Variants in PSTPIP1 observed in about 807,000 individuals in gnomAD.
PSTPIP1 encodes the protein proline-serine-threonine phosphatase-interacting protein 1.
In PSTPIP1, 66 loss-of-function variants were observed where a neutral mutation model predicts 69.6. The observed-to-expected ratio is 0.95, with a 90% CI of 0.78 to 1.16. The LOEUF is 1.16. Among genes scored for constraint, PSTPIP1 ranks in the 50% most tolerant of loss-of-function variants. PSTPIP1 has a pLI of 0.00. For synonymous variants in PSTPIP1, 266 were observed against 222.7 expected (o/e 1.19, Z -1.73); for missense variants, 603 against 557.4 (o/e 1.08, Z -0.82).
rs150133822 is a variant in PSTPIP1, at chr15:77,013,871, T to C, written c.37-4277T>C. ...TCTGGAGTGCCAGGCAAGGGAGCAT[T>C]TGAAAAAGGCTCTGCTCCCCTTTAA... On this transcript the variant is annotated intron_variant, in intron 1 of 14. Coordinates refer to ENST00000558012, the MANE Select transcript of PSTPIP1 (RefSeq NM_003978.5). Among the ~76,000 whole-genome samples, 221 of 152,220 alleles carry C rather than the reference T, an allele frequency of 1.5e-3. 3 individuals carry two copies. The highest frequency in any genetic ancestry group is 3.4e-3 in the Middle Eastern group (1 of 292).
chr15:77,030,155 C>A (rs2076380232), intron 8 of PSTPIP1, among the ~76,000 whole-genome samples: 1 of 152,206 alleles, frequency 6.6e-6, no homozygotes, highest in Non-Finnish European at 1.5e-5. Context: ...CTGTGGGACT[C>A]CACCCCTCCT....
Position 76,995,481 on chromosome 15 carries a change from C to T in PSTPIP1, c.-93C>T, listed in dbSNP as rs764392248. On this transcript the variant is annotated 5_prime_UTR_variant, in exon 1 of 15. Transcript: ENST00000558012. Reference sequence around the variant, plus strand: ...CCGGGAAGGGGGGCCTGGGCCAGCCCTGCCAGGACTGGGACGCTGCTGCTG... The same window carrying T: ...CCGGGAAGGGGGGCCTGGGCCAGCCTTGCCAGGACTGGGACGCTGCTGCTG... 4.5e-5 allele frequency: 73 copies of T among 1,605,072 alleles called. No individual in the cohort carries two copies. The highest frequency in any genetic ancestry group is 6.1e-5 in the Non-Finnish European group (72 of 1,176,150).
chr15:76,998,336 G>C (rs889368424), intron 1 of PSTPIP1, among the ~76,000 whole-genome samples: 1 of 152,194 alleles, frequency 6.6e-6, no homozygotes, highest in Non-Finnish European at 1.5e-5. Context: ...CGGAGGAGGG[G>C]AGCCAGCCCT....
chr15:77,016,811 C>T (rs2076060824), intron 1 of PSTPIP1, among the ~76,000 whole-genome samples: 1 of 152,178 alleles, frequency 6.6e-6, no homozygotes, highest in African/African-American at 2.4e-5. Context: ...CCTCTTCCTG[C>T]AGAGAGCTCT....
At chr15:77,035,431 C>G in intron 12 of PSTPIP1, 77 bp from the exon 13 acceptor site, 1 of 1,446,746 alleles carries the variant, frequency 6.9e-7, no homozygotes, top group Non-Finnish European at 9.5e-7. Context: ...GAGACCTCTC[C>G]CTGTCTAAAC....
chr15:77,001,966 T>C (rs2075718492), intron 1 of PSTPIP1, among the ~76,000 whole-genome samples: 1 of 152,244 alleles, frequency 6.6e-6, no homozygotes, highest in African/African-American at 2.4e-5. Flanking sequence ...ATGTATTAAT[T>C]ATTCAAAAAT....
At chr15:77,011,955 G>A (rs1197404624) in intron 1 of PSTPIP1, among the ~76,000 whole-genome samples, 1 of 152,090 alleles carries the variant, frequency 6.6e-6, no homozygotes, top group East Asian at 1.9e-4. Flanking sequence ...CCAGCCACTA[G>A]TGCTCCCTCT....
chr15:77,006,260 G>A (rs1359154188), intron 1 of PSTPIP1, among the ~76,000 whole-genome samples: 1 of 151,930 alleles, frequency 6.6e-6, no homozygotes, highest in South Asian at 2.1e-4. Context: ...GGCCATTTGT[G>A]TACCTTCTTT....
At chr15:77,032,553 C>A in intron 11 of PSTPIP1, 159 bp downstream of exon 11, 1 of 708,876 alleles carries the variant, frequency 1.4e-6, no homozygotes, top group Non-Finnish European at 2.3e-6. Flanking sequence ...GGGTCCCAGG[C>A]CTGCTGCCTC....
In PSTPIP1 at chr15:76,995,456, C is replaced by G. The variant is rs1364632691; in HGVS notation, c.-118C>G. The G allele has an allele frequency of 6.4e-7, 1 of 1,569,172 alleles. No individual in the cohort carries two copies. Among genetic ancestry groups the G allele is most frequent in the South Asian group, 1.2e-5 (1 of 86,868 alleles). ...TTCTGAGTGTTGCAGACGGCGCCGGCCGGGAAGGGGGGCCTGGGCCAGCCC... is the reference window on the plus strand; with the variant it reads ...TTCTGAGTGTTGCAGACGGCGCCGGGCGGGAAGGGGGGCCTGGGCCAGCCC... On this transcript the variant is annotated 5_prime_UTR_variant, in exon 1 of 15. Coordinates refer to ENST00000558012, the MANE Select transcript of PSTPIP1 (RefSeq NM_003978.5).
intron 1 of PSTPIP1, among the ~76,000 whole-genome samples, chr15:77,005,552 G>C (rs553471765): frequency 1.3e-5 from 2 of 152,178 alleles, no homozygotes; most frequent in Non-Finnish European, 2.9e-5. Context: ...CAATTTTTAA[G>C]TATATGATTC....
intron 1 of PSTPIP1, chr15:77,015,875 C>A (rs537436588): frequency 6.6e-6 from 3 of 454,036 alleles, no homozygotes; most frequent in East Asian, 1.4e-4. Context: ...TGCCAGCAGC[C>A]CAAAGCTCTG....
chr15:77,034,823 G>C (rs565287616), intron 12 of PSTPIP1, among the ~76,000 whole-genome samples: 3 of 152,254 alleles, frequency 2.0e-5, no homozygotes, highest in Non-Finnish European at 2.9e-5. Flanking sequence ...AGCATCTGCC[G>C]CATCTGCCTC....
At chr15:77,029,639 C>T (rs2152686898) in intron 8 of PSTPIP1, 65 bp downstream of exon 8, 1 of 1,472,498 alleles carries the variant, frequency 6.8e-7, no homozygotes, top group Non-Finnish European at 9.3e-7. Flanking sequence ...CCACACACAC[C>T]TCCTCACCCT....
chr15:77,006,784 T>C (rs1695064485), intron 1 of PSTPIP1, among the ~76,000 whole-genome samples: 1 of 152,234 alleles, frequency 6.6e-6, no homozygotes, highest in African/African-American at 2.4e-5. Context: ...GAGCTCACTA[T>C]TTCCATTCTA....
chr15:77,021,189 A>C (rs1596092698), intron 3 of PSTPIP1, among the ~76,000 whole-genome samples: 1 of 152,130 alleles, frequency 6.6e-6, no homozygotes, highest in African/African-American at 2.4e-5. Context: ...CAGTCCCCTG[A>C]CCTCAAACCA....
intron 3 of PSTPIP1, among the ~76,000 whole-genome samples, chr15:77,018,753 G>A (rs2076103985): frequency 6.6e-6 from 1 of 152,176 alleles, no homozygotes; most frequent in Admixed American, 6.5e-5. Flanking sequence ...GGGCAGGGGA[G>A]ACAGGAGGCC....
At chr15:77,030,239 C>A (rs559236782) in intron 8 of PSTPIP1, among the ~76,000 whole-genome samples, 161 of 152,356 alleles carry the variant, frequency 1.1e-3, no homozygotes, top group Non-Finnish European at 1.8e-3. Flanking sequence ...CCCAGAGATG[C>A]CCAGAGGCCA....
At position 77,028,640 on chromosome 15, in the gene PSTPIP1, G is replaced by T. The variant is rs1279293983; in HGVS notation, c.504G>T (p.Lys168Asn). 6.4e-7 allele frequency: 1 copy of T among 1,574,644 alleles called. No individual in the cohort carries two copies. Among genetic ancestry groups the T allele is most frequent in the African/African-American group, 1.4e-5 (1 of 73,876 alleles). Residue 168 changes from lysine (K) to asparagine (N), a missense_variant, in exon 7 of 15, where the codon AAG becomes AAT. Lys to Asn is a moderately conservative substitution (Grantham distance 94). Transcript: ENST00000558012. ...GCATTAGCGCCAACGGCCACCAGAA[G>T]CAGGTGGAGAAGGTGCGCTGGGCTG... is the stretch of plus-strand genomic sequence containing the variant. The part of the protein sequence containing the change: ...FERISANGHQ[K>N]QVEKSQNKAR...
Sources: allele counts gnomAD v4.1 joint callset (sites outside exome capture counted in the v4.1 genomes callset), GRCh38; gene constraint gnomAD v4.1.1; transcripts MANE v1.5; gene names NCBI Gene and HGNC (gene_info 2026-07-23, HGNC 2026-07-21).